TMEM131: variants seen among roughly 807,000 people sequenced by gnomAD.
TMEM131 encodes transmembrane protein 131, also known as 2610524E03Rik.
A neutral mutation model predicts 211.6 loss-of-function variants in TMEM131; 66 were observed. That is an observed-to-expected ratio of 0.31 (90% CI 0.26 to 0.38). The LOEUF is 0.38. TMEM131 is among the 10% of genes least tolerant of loss of function. The probability of loss-of-function intolerance (pLI) is 1.00; values close to 1 mark genes in which losing one functional copy is unlikely to be tolerated. For synonymous variants in TMEM131, 844 were observed against 841.3 expected (o/e 1.00, Z -0.06); for missense variants, 2,036 against 2,299.3 (o/e 0.89, Z 2.34).
chr2:97,940,880 T>C lies in TMEM131; in HGVS notation c.188-13393A>G, dbSNP rs181352042. On this transcript the variant is annotated intron_variant, in intron 1 of 40. Coordinates refer to ENST00000186436, the MANE Select transcript of TMEM131 (RefSeq NM_015348.2). ...TCATGGATAGGAAGAATCAGTATCA[T>C]GAAAATGGCCATACTGCCCAAAGTA... Among the ~76,000 whole-genome samples, 491 of 151,324 alleles carry C rather than the reference T, an allele frequency of 3.2e-3. 7 individuals are homozygous for C. In the East Asian group the frequency reaches 0.041, roughly 13 times the overall value.
At chr2:97,927,551 T>G (rs2104444087) in intron 1 of TMEM131, 64 bp from the exon 2 acceptor site, 1 of 1,330,218 alleles carries the variant, frequency 7.5e-7, no homozygotes, top group East Asian at 2.6e-5. Flanking sequence ...ATAACATCTT[T>G]GACTTTAAAG....
intron 1 of TMEM131, among the ~76,000 whole-genome samples, chr2:97,961,850 AC>A (rs1407686468): frequency 6.6e-6 from 1 of 152,244 alleles, no homozygotes; most frequent in African/African-American, 2.4e-5. Context: ...AAGTGAACTT[AC>A]GGGAAATTGT....
At chr2:97,941,048 G>A (rs1408101823) in intron 1 of TMEM131, among the ~76,000 whole-genome samples, 4 of 152,088 alleles carry the variant, frequency 2.6e-5, no homozygotes, top group Non-Finnish European at 4.4e-5. Flanking sequence ...AAAGCTGGAG[G>A]CATCACACTA....
intron 1 of TMEM131, among the ~76,000 whole-genome samples, chr2:97,983,139 T>C (rs766378605): frequency 5.9e-5 from 9 of 152,094 alleles, no homozygotes; most frequent in Non-Finnish European, 1.0e-4. Context: ...TTCTTCTCTC[T>C]TCTTCTTCCC....
At chr2:97,790,373 A>G (rs1274868456) in intron 31 of TMEM131, among the ~76,000 whole-genome samples, 2 of 152,358 alleles carry the variant, frequency 1.3e-5, no homozygotes, top group East Asian at 3.9e-4. Flanking sequence ...AGTGGGAAGG[A>G]TAGTGAGTAG....
At chr2:97,765,604 C>T (rs1573323023) in intron 35 of TMEM131, among the ~76,000 whole-genome samples, 1 of 152,208 alleles carries the variant, frequency 6.6e-6, no homozygotes, top group East Asian at 1.9e-4. Context: ...TCTTGATTTA[C>T]TGCAGGCCAA....
intron 1 of TMEM131, among the ~76,000 whole-genome samples, chr2:97,977,915 C>T (rs1446224731): frequency 2.0e-5 from 3 of 151,858 alleles, no homozygotes; most frequent in African/African-American, 4.8e-5. Flanking sequence ...GTGAAACCCC[C>T]GTCTCTATTA....
intron 1 of TMEM131, among the ~76,000 whole-genome samples, chr2:97,966,593 A>G (rs1177197125): frequency 6.6e-6 from 1 of 152,174 alleles, no homozygotes; most frequent in Non-Finnish European, 1.5e-5. Context: ...CTTCAGACTA[A>G]GGAGTTGGTC....
At chr2:97,758,258 T>C (rs1455029990) in intron 40 of TMEM131, among the ~76,000 whole-genome samples, 2 of 152,348 alleles carry the variant, frequency 1.3e-5, no homozygotes, top group South Asian at 2.1e-4. Context: ...ATATCTGTTA[T>C]AAAACCTTGC....
intron 1 of TMEM131, among the ~76,000 whole-genome samples, chr2:97,951,445 C>T (rs1024051638): frequency 6.6e-6 from 1 of 152,062 alleles, no homozygotes; most frequent in Non-Finnish European, 1.5e-5. Context: ...GAGCATTTCC[C>T]GTGGCTTGTT....
At chr2:97,947,321 A>G (rs1678090582) in intron 1 of TMEM131, among the ~76,000 whole-genome samples, 1 of 152,078 alleles carries the variant, frequency 6.6e-6, no homozygotes, top group Non-Finnish European at 1.5e-5. Flanking sequence ...CTCCTATAAC[A>G]CCTATAAAAA....
intron 8 of TMEM131, among the ~76,000 whole-genome samples, chr2:97,835,927 C>T (rs1682920846): frequency 6.6e-6 from 1 of 152,184 alleles, no homozygotes; most frequent in Admixed American, 6.5e-5. Context: ...ATCATTATCA[C>T]TCTTGACTAT....
intron 33 of TMEM131, among the ~76,000 whole-genome samples, chr2:97,772,072 C>T (rs750743066): frequency 7.6e-4 from 116 of 152,196 alleles, no homozygotes; most frequent in Non-Finnish European, 1.4e-3. Flanking sequence ...GTGAGCTCTG[C>T]CCTCTGCATA....
At chr2:97,943,481 A>C (rs948208782) in intron 1 of TMEM131, among the ~76,000 whole-genome samples, 1 of 152,242 alleles carries the variant, frequency 6.6e-6, no homozygotes, top group Non-Finnish European at 1.5e-5. Flanking sequence ...CAAGACTTGT[A>C]CACTGTGAAC....
At chr2:97,820,853 C>CT in intron 11 of TMEM131, among the ~76,000 whole-genome samples, 1 of 148,260 alleles carries the variant, frequency 6.7e-6, no homozygotes, top group Non-Finnish European at 1.5e-5. Context: ...GAGACTCCTT[C>CT]TAAAAAAAAA....
intron 29 of TMEM131, 105 bp from the exon 30 acceptor site, chr2:97,793,658 T>C: frequency 8.4e-7 from 1 of 1,194,832 alleles, no homozygotes; most frequent in Non-Finnish European, 1.1e-6. Context: ...CAATATGATG[T>C]AATAGAAAAC....
At chr2:97,797,099 T>C (rs1291724481) in intron 26 of TMEM131, 113 bp from the exon 27 acceptor site, 2 of 1,162,410 alleles carry the variant, frequency 1.7e-6, no homozygotes, top group African/African-American at 3.1e-5. Flanking sequence ...AATTTAATGG[T>C]GAGAATTTAT....
chr2:97,838,682 ATCC>A (rs1171371903), intron 7 of TMEM131, among the ~76,000 whole-genome samples: 1 of 152,002 alleles, frequency 6.6e-6, no homozygotes, highest in African/African-American at 2.4e-5. Flanking sequence ...TGACCTCGTC[ATCC>A]ACCCATCTCG....
At chr2:97,938,248 G>A (rs1177659315) in intron 1 of TMEM131, among the ~76,000 whole-genome samples, 5 of 152,146 alleles carry the variant, frequency 3.3e-5, no homozygotes, top group Non-Finnish European at 7.4e-5. Flanking sequence ...TGGATAAAGA[G>A]TCAAGACCCA....
Sources: allele counts gnomAD v4.1 joint callset (sites outside exome capture counted in the v4.1 genomes callset), GRCh38; gene constraint gnomAD v4.1.1; transcripts MANE v1.5; gene names NCBI Gene and HGNC (gene_info 2026-07-23, HGNC 2026-07-21).